The following SMYD3 variants were observed in gnomAD, a reference collection of about 807,000 sequenced individuals.
SMYD3 encodes the protein histone-lysine N-methyltransferase SMYD3.
SMYD3 carries 36 observed loss-of-function variants against 57.7 expected under a neutral mutation model. The observed-to-expected ratio is 0.62, with a 90% CI of 0.48 to 0.82. The LOEUF (loss-of-function observed/expected upper bound fraction) is 0.82, where lower values mean the gene tolerates loss of function less well. Among genes scored for constraint, SMYD3 ranks in the 40% least tolerant of loss-of-function variants. The pLI, the probability that SMYD3 is intolerant of heterozygous loss-of-function variation, is 0.00. For missense variants in SMYD3, 515 were observed against 538.8 expected (o/e 0.96, Z 0.44); for synonymous variants, 211 against 195.0 (o/e 1.08, Z -0.68).
At chr1:245,804,367 A>G (rs4308950) in intron 10 of SMYD3, among the ~76,000 whole-genome samples, 7,120 of 152,134 alleles carry the variant, frequency 0.047, 594 homozygotes, top group African/African-American at 0.16. Flanking sequence ...CGGATCACGA[A>G]GTCAGGAGAT....
chr1:246,209,482 TAAGCAAAA>T (rs1211402373), intron 5 of SMYD3, among the ~76,000 whole-genome samples: 8 of 151,992 alleles, frequency 5.3e-5, no homozygotes, highest in Non-Finnish European at 1.2e-4. Flanking sequence ...GAAGACTGTA[TAAGCAAAA>T]ATCACTTAAG....
intron 1 of SMYD3, among the ~76,000 whole-genome samples, chr1:246,489,679 G>C (rs978916422): frequency 6.6e-6 from 1 of 152,208 alleles, no homozygotes; most frequent in Non-Finnish European, 1.5e-5. Context: ...GAGAGAGAGA[G>C]AGATGTGGAA....
chr1:246,396,233 T>C (rs1011276159), intron 1 of SMYD3, among the ~76,000 whole-genome samples: 13 of 152,248 alleles, frequency 8.5e-5, no homozygotes, highest in African/African-American at 3.1e-4. Context: ...TTGGGCTTTA[T>C]AGGTATACGT....
At chr1:246,061,137 G>C (rs539154576) in intron 5 of SMYD3, among the ~76,000 whole-genome samples, 21 of 152,100 alleles carry the variant, frequency 1.4e-4, no homozygotes, top group Non-Finnish European at 2.1e-4. Flanking sequence ...GCAGGAGAAC[G>C]GCATGAACCC....
At chr1:246,242,980 T>C (rs1412115795) in intron 5 of SMYD3, among the ~76,000 whole-genome samples, 1 of 152,100 alleles carries the variant, frequency 6.6e-6, no homozygotes, top group Non-Finnish European at 1.5e-5. Flanking sequence ...ACAAAGAGAC[T>C]TAGACTCCCA....
chr1:246,082,233 T>G (rs550295977), intron 5 of SMYD3, among the ~76,000 whole-genome samples: 1 of 152,308 alleles, frequency 6.6e-6, no homozygotes, highest in African/African-American at 2.4e-5. Flanking sequence ...TTTGTTAAAA[T>G]GTAGGCGTAG....
intron 7 of SMYD3, 30 bp downstream of exon 7, chr1:245,927,901 G>A (rs777721683): frequency 2.5e-6 from 4 of 1,574,732 alleles, no homozygotes; most frequent in Admixed American, 1.7e-5. Flanking sequence ...TAGGAAAGAA[G>A]GCCAGGCTGG....
intron 5 of SMYD3, among the ~76,000 whole-genome samples, chr1:246,034,065 G>T (rs868215811): frequency 1.3e-5 from 2 of 152,100 alleles, no homozygotes; most frequent in Non-Finnish European, 1.5e-5. Context: ...AAATTATTAC[G>T]TATATGAAAA....
At chr1:245,843,597 T>C (rs574769088) in intron 10 of SMYD3, among the ~76,000 whole-genome samples, 5 of 151,072 alleles carry the variant, frequency 3.3e-5, no homozygotes, top group African/African-American at 7.3e-5. Flanking sequence ...TATACATATA[T>C]GTGAAACAAA....
intron 8 of SMYD3, among the ~76,000 whole-genome samples, chr1:245,871,996 C>A (rs2052220220): frequency 6.6e-6 from 1 of 152,206 alleles, no homozygotes; most frequent in Non-Finnish European, 1.5e-5. Context: ...GAAGGCTCTT[C>A]CTCAACGTAG....
chr1:245,990,296 C>G (rs1473089927), intron 5 of SMYD3, among the ~76,000 whole-genome samples: 2 of 152,080 alleles, frequency 1.3e-5, no homozygotes, highest in Non-Finnish European at 2.9e-5. Context: ...ACTATGTTGC[C>G]CAGGTTAGTC....
At chr1:245,971,421 C>G (rs1374697342) in intron 5 of SMYD3, among the ~76,000 whole-genome samples, 1 of 145,732 alleles carries the variant, frequency 6.9e-6, no homozygotes, top group African/African-American at 2.6e-5. Context: ...GTTCTGCACA[C>G]ATATCCCAGA....
At chr1:245,822,460 G>A (rs2049219306) in intron 10 of SMYD3, among the ~76,000 whole-genome samples, 1 of 150,474 alleles carries the variant, frequency 6.6e-6, no homozygotes, top group Admixed American at 6.6e-5. Flanking sequence ...TGACGAGTTA[G>A]TGGGTGCAGC....
chr1:246,393,995 T>C (rs2066615090), intron 1 of SMYD3, among the ~76,000 whole-genome samples: 1 of 152,252 alleles, frequency 6.6e-6, no homozygotes, highest in Admixed American at 6.5e-5. Flanking sequence ...ATTCCATCTT[T>C]CTTAGCTTTG....
chr1:246,261,897 G>A (rs979077940), intron 5 of SMYD3, among the ~76,000 whole-genome samples: 4 of 151,960 alleles, frequency 2.6e-5, no homozygotes, highest in South Asian at 2.1e-4. Flanking sequence ...TTCTTAAATC[G>A]GAGAAAAAAG....
rs375137013 is a variant in SMYD3 at position 246,492,010 on chromosome 1, T to C, written c.164+15044A>G. On this transcript the variant is annotated intron_variant, in intron 1 of 11. Coordinates refer to ENST00000490107, the MANE Select transcript of SMYD3 (RefSeq NM_001167740.2). The stretch of plus-strand genomic sequence containing the variant: ...TGTTCTAGGATGGTGGCAGTAGGAA[T>C]AGAAGAAAGAAAGCAATATAAGTGA... 2.1e-4 allele frequency among the ~76,000 whole-genome samples: 32 copies of C among 152,030 alleles called. 2 individuals are homozygous for C. The East Asian group carries it at 2.9e-3, about 14-fold the overall frequency.
At chr1:246,435,214 C>T (rs2067353570) in intron 1 of SMYD3, among the ~76,000 whole-genome samples, 1 of 152,152 alleles carries the variant, frequency 6.6e-6, no homozygotes, top group South Asian at 2.1e-4. Flanking sequence ...GGGTACTATG[C>T]TCACTACCTG....
At chr1:245,804,940 A>G (rs1188457547) in intron 10 of SMYD3, among the ~76,000 whole-genome samples, 1 of 152,230 alleles carries the variant, frequency 6.6e-6, no homozygotes, top group African/African-American at 2.4e-5. Flanking sequence ...TACCCACCAC[A>G]TACACAAAAG....
At chr1:246,316,999 A>C (rs1005496990) in intron 5 of SMYD3, among the ~76,000 whole-genome samples, 2 of 151,514 alleles carry the variant, frequency 1.3e-5, no homozygotes, top group African/African-American at 4.8e-5. Flanking sequence ...TACTCAAAAA[A>C]TAAATAAATA....
Sources: gnomAD v4.1 joint callset for allele counts (sites outside exome capture counted in the v4.1 genomes callset) on GRCh38, gnomAD v4.1.1 for gene constraint, MANE v1.5 for transcripts, NCBI Gene and HGNC (gene_info 2026-07-23, HGNC 2026-07-21) for gene names.